Variants in YWHAE observed in about 807,000 individuals in gnomAD.
YWHAE encodes the protein tyrosine 3-monooxygenase/tryptophan 5-monooxygenase activation protein epsilon.
Under a neutral mutation model 30.1 loss-of-function variants are expected in YWHAE, and 4 were observed. That is an observed-to-expected ratio of 0.13 (90% confidence interval 0.07 to 0.30). YWHAE has a LOEUF of 0.30. Ranked by LOEUF, YWHAE falls within the 10% of genes least tolerant of loss-of-function variation. YWHAE has a pLI of 1.00. For missense variants in YWHAE, 121 were observed against 315.9 expected, an observed-to-expected ratio of 0.38 and a Z score of 4.68; for synonymous variants, 118 against 111.8, an observed-to-expected ratio of 1.06 and a Z score of -0.35.
chr17:1,363,883 A>C (rs983036798), intron 2 of YWHAE, among the ~76,000 whole-genome samples: 1 of 151,526 alleles, frequency 6.6e-6, no homozygotes, highest in Admixed American at 6.6e-5. Context: ...ACTCAACAGC[A>C]GCACTCCCGA....
rs142494115 is a variant in YWHAE, at chr17:1,355,301, C to T, written c.579-954G>A. ...CCTCCCGAGTAGCCGGGACTACAGG[C>T]GCCCGCCACCACACCCGGCTGATTT... On this transcript the variant is annotated intron_variant, in intron 4 of 5. Coordinates refer to ENST00000264335, the MANE Select transcript of YWHAE (RefSeq NM_006761.5). Among the ~76,000 whole-genome samples the T allele has an allele frequency of 4.3e-3, 645 of 150,458 alleles. 5 individuals carry two copies. Among genetic ancestry groups the T allele is most frequent in the African/African-American group, 0.015 (604 of 40,974 alleles).
chr17:1,370,255 T>G (rs908897730), intron 1 of YWHAE, among the ~76,000 whole-genome samples: 4 of 149,610 alleles, frequency 2.7e-5, no homozygotes, highest in African/African-American at 7.4e-5. Context: ...GCCTCCCGAG[T>G]AGCTGGGACC....
chr17:1,372,766 C>T (rs1472750662), intron 1 of YWHAE, among the ~76,000 whole-genome samples: 1 of 151,964 alleles, frequency 6.6e-6, no homozygotes, highest in Non-Finnish European at 1.5e-5. Context: ...CCAGCCTGGG[C>T]AACAGGTGAG....
chr17:1,376,961 C>G (rs2073134740), intron 1 of YWHAE, among the ~76,000 whole-genome samples: 1 of 148,002 alleles, frequency 6.8e-6, no homozygotes, highest in Non-Finnish European at 1.5e-5. Flanking sequence ...GAGTCTAGCT[C>G]TGTTGCCCAG....
At chr17:1,349,010 A>G (rs1034361935) in intron 5 of YWHAE, among the ~76,000 whole-genome samples, 1 of 151,052 alleles carries the variant, frequency 6.6e-6, no homozygotes, top group African/African-American at 2.4e-5. Context: ...TGGGTGACAA[A>G]GCAAGACTCT....
At chr17:1,354,585 T>A (rs899847541) in intron 4 of YWHAE, among the ~76,000 whole-genome samples, 1 of 152,192 alleles carries the variant, frequency 6.6e-6, no homozygotes, top group African/African-American at 2.4e-5. Context: ...ATAAAATACA[T>A]AGAACAACTT....
In YWHAE at chr17:1,354,236, T is replaced by C. The variant is rs143158533; in HGVS notation, c.690A>G (p.Leu230=). The C allele has an allele frequency of 1.2e-4, 198 of 1,614,010 alleles. No homozygotes were observed. Among genetic ancestry groups the C allele is most frequent in the Middle Eastern group, 8.3e-4 (5 of 6,060 alleles). Residue 230 remains leucine (L), a synonymous_variant, in exon 5 of 6, where the codon CTA becomes CTG. Coordinates refer to ENST00000264335, the MANE Select transcript of YWHAE (RefSeq NM_006761.5). The part of the protein sequence containing the change: ...IMQLLRDNLT[L]WTSDMQGDGE... ...CGTCACCCTGCATGTCTGAAGTCCA[T>C]AGTGTCAGATTATCACGTAACAACT...
At chr17:1,347,931 C>T (rs1413248104) in intron 5 of YWHAE, 4 of 1,003,832 alleles carry the variant, frequency 4.0e-6, no homozygotes, top group African/African-American at 1.7e-5. Context: ...AAACTGAAAG[C>T]GGAATTCACT....
At chr17:1,391,070 G>A (rs1318788673) in intron 1 of YWHAE, among the ~76,000 whole-genome samples, 2 of 151,630 alleles carry the variant, frequency 1.3e-5, no homozygotes, top group African/African-American at 2.4e-5. Context: ...CAACACCTAG[G>A]TCTATTATAT....
chr17:1,365,747 T>C (rs867526301), intron 1 of YWHAE, among the ~76,000 whole-genome samples: 3 of 152,314 alleles, frequency 2.0e-5, no homozygotes, highest in South Asian at 4.1e-4. Context: ...TAAAAACTTA[T>C]TTTTGATGCC....
intron 5 of YWHAE, among the ~76,000 whole-genome samples, chr17:1,351,656 G>A (rs1015049644): frequency 3.3e-5 from 5 of 152,150 alleles, no homozygotes; most frequent in African/African-American, 1.2e-4. Flanking sequence ...TGAAGAGATG[G>A]CATCTCGTTC....
chr17:1,374,368 T>C (rs1373999995), intron 1 of YWHAE, among the ~76,000 whole-genome samples: 1 of 152,068 alleles, frequency 6.6e-6, no homozygotes, highest in Non-Finnish European at 1.5e-5. Flanking sequence ...TTGGGTTGTT[T>C]CCATTTTTGG....
At chr17:1,358,433 G>C (rs1344636504) in intron 4 of YWHAE, among the ~76,000 whole-genome samples, 2 of 151,752 alleles carry the variant, frequency 1.3e-5, no homozygotes, top group Non-Finnish European at 2.9e-5. Context: ...TAGAGACGGG[G>C]TTTCACCACG....
intron 1 of YWHAE, among the ~76,000 whole-genome samples, chr17:1,392,292 T>C (rs2073400162): frequency 2.0e-5 from 3 of 152,124 alleles, no homozygotes; most frequent in Admixed American, 2.0e-4. Context: ...GGATGATCAT[T>C]TGGGCCTGGG....
intron 1 of YWHAE, among the ~76,000 whole-genome samples, chr17:1,378,737 G>A (rs1415168261): frequency 6.6e-6 from 1 of 152,202 alleles, no homozygotes; most frequent in Non-Finnish European, 1.5e-5. Context: ...CTGAGGTTAG[G>A]AGTTCAGGAC....
At chr17:1,377,402 C>T (rs544782067) in intron 1 of YWHAE, among the ~76,000 whole-genome samples, 1 of 152,226 alleles carries the variant, frequency 6.6e-6, no homozygotes, top group East Asian at 1.9e-4. Flanking sequence ...ACAGTAAAAG[C>T]AATCACACCA....
chr17:1,366,760 T>C (rs537747178), intron 1 of YWHAE, among the ~76,000 whole-genome samples: 9 of 151,868 alleles, frequency 5.9e-5, no homozygotes, highest in Non-Finnish European at 1.3e-4. Context: ...CTGGCCAACA[T>C]GGTGAAACCC....
chr17:1,360,778 A>G (rs921700318), intron 4 of YWHAE, among the ~76,000 whole-genome samples: 1 of 152,188 alleles, frequency 6.6e-6, no homozygotes, highest in African/African-American at 2.4e-5. Context: ...ATTTAAAAAA[A>G]GACTGAAAAC....
intron 1 of YWHAE, among the ~76,000 whole-genome samples, chr17:1,370,558 G>A (rs2150859100): frequency 6.6e-6 from 1 of 152,204 alleles, no homozygotes; most frequent in Middle Eastern, 3.4e-3. Context: ...AGCCTCCCAA[G>A]TAGCTGAGAC....
Sources: gnomAD v4.1 joint callset for allele counts (sites outside exome capture counted in the v4.1 genomes callset) on GRCh38, gnomAD v4.1.1 for gene constraint, MANE v1.5 for transcripts, NCBI Gene and HGNC (gene_info 2026-07-23, HGNC 2026-07-21) for gene names.